DMRT1: variants seen among roughly 807,000 people sequenced by gnomAD.
DMRT1 encodes the protein doublesex- and mab-3-related transcription factor 1.
DMRT1 carries 7 observed loss-of-function variants against 32.3 expected under a neutral mutation model. That is an observed-to-expected ratio of 0.22 (90% CI 0.12 to 0.41). DMRT1 has a LOEUF of 0.41. DMRT1 is among the 10% of genes least tolerant of loss of function. The pLI, the probability that DMRT1 is intolerant of heterozygous loss-of-function variation, is 1.00. For missense variants in DMRT1, 625 were observed against 500.5 expected (o/e 1.25, Z -2.37); for synonymous variants, 278 against 206.1 (o/e 1.35, Z -2.99).
chr9:869,308 T>TG (rs1816129553), intron 2 of DMRT1, among the ~76,000 whole-genome samples: 1 of 152,194 alleles, frequency 6.6e-6, no homozygotes, highest in Admixed American at 6.5e-5. Context: ...GAAATAAAAA[T>TG]GTGGCTCAAG....
Position 965,468 on chromosome 9 carries a change from G to A in DMRT1, c.968-2517G>A, listed in dbSNP as rs554627275. On this transcript the variant is annotated intron_variant, in intron 4 of 4. Transcript: ENST00000382276. The surrounding 1 kb of genome is among the most constrained non-coding windows in gnomAD (Gnocchi z 4.5). ...TGCTTTGTGGCCCCACGTCGCAAGA[G>A]CACTTTCCAAGAAAATATTCATAAG... Among the ~76,000 whole-genome samples the A allele has an allele frequency of 1.3e-4, 20 of 152,210 alleles. No homozygotes were observed. Among genetic ancestry groups the A allele is most frequent in the Non-Finnish European group, 2.8e-4 (19 of 68,038 alleles).
At chr9:850,528 C>T (rs1439374626) in intron 2 of DMRT1, among the ~76,000 whole-genome samples, 1 of 152,140 alleles carries the variant, frequency 6.6e-6, no homozygotes, top group East Asian at 1.9e-4. Flanking sequence ...GATCATTGTT[C>T]TTCTAACCCC....
Position 847,018 on chromosome 9 carries a change from C to G in DMRT1, c.413C>G (p.Pro138Arg). 1 of 1,614,168 alleles carries G rather than the reference C, an allele frequency of 6.2e-7. No individual in the cohort carries two copies. The highest frequency in any genetic ancestry group is 1.1e-5 in the South Asian group (1 of 91,086). The change falls in exon 2 of 5, where the codon CCA (proline) becomes CGA (arginine). Residue 138 changes from proline (P) to arginine (R), a missense_variant. Pro to Arg is a moderately radical substitution (Grantham distance 103). Around this residue, in one of 3 missense-constraint regions of DMRT1, gnomAD observed 416 missense variants for 321.6 expected, o/e 1.29. Coordinates refer to ENST00000382276, the MANE Select transcript of DMRT1 (RefSeq NM_021951.3). ...GAATTGGGTATCAGCCACCCCATCC[C>G]ACTGCCCAGTGCGGCCGAGCTGCTT... The part of the protein sequence containing the change: ...EEELGISHPI[P>R]LPSAAELLVK...
At chr9:888,778 G>C (rs188280327) in intron 2 of DMRT1, among the ~76,000 whole-genome samples, 3 of 143,768 alleles carry the variant, frequency 2.1e-5, no homozygotes, top group Admixed American at 2.0e-4. Flanking sequence ...AGCGTGTGGA[G>C]CAGTTGCTTT....
intron 2 of DMRT1, among the ~76,000 whole-genome samples, chr9:857,909 G>C (rs1029975899): frequency 6.6e-6 from 1 of 151,298 alleles, no homozygotes; most frequent in African/African-American, 2.4e-5. Flanking sequence ...AGTTTGCTGA[G>C]AATGATGGTT....
intron 2 of DMRT1, 107 bp downstream of exon 2, chr9:847,250 TTAGAGGATTCTG>T (rs1246410861): frequency 8.2e-6 from 10 of 1,213,374 alleles, no homozygotes; most frequent in African/African-American, 4.5e-5. Flanking sequence ...TGTTTAGAGC[TTAGAGGATTCTG>T]TAGAGGATTC....
chr9:855,492 G>A (rs1203485978), intron 2 of DMRT1, among the ~76,000 whole-genome samples: 2 of 152,212 alleles, frequency 1.3e-5, no homozygotes, highest in Non-Finnish European at 2.9e-5. Context: ...ATGAATAAAT[G>A]ATGGTTAAAT....
At chr9:861,808 G>C (rs759199790) in intron 2 of DMRT1, among the ~76,000 whole-genome samples, 2 of 147,040 alleles carry the variant, frequency 1.4e-5, no homozygotes, top group Admixed American at 6.7e-5. Context: ...TGCCGGGCGG[G>C]GGGGGGCTCC....
At chr9:850,099 G>A (rs1446413052) in intron 2 of DMRT1, among the ~76,000 whole-genome samples, 3 of 152,188 alleles carry the variant, frequency 2.0e-5, no homozygotes, top group Admixed American at 6.5e-5. Flanking sequence ...GATTACAGGC[G>A]TGAGCCACCA....
intron 2 of DMRT1, among the ~76,000 whole-genome samples, chr9:891,193 A>G (rs1467809625): frequency 6.6e-6 from 1 of 151,830 alleles, no homozygotes; most frequent in Admixed American, 6.6e-5. Context: ...AAATTAAAAA[A>G]AAAAAAAGCT....
chr9:858,700 C>A (rs1462571074), intron 2 of DMRT1, among the ~76,000 whole-genome samples: 1 of 151,782 alleles, frequency 6.6e-6, no homozygotes, highest in Non-Finnish European at 1.5e-5. Context: ...ATGGCGAATC[C>A]CTGTCTCTAC....
chr9:968,161 G>C lies in DMRT1; in HGVS notation c.*22G>C. On this transcript the variant is annotated 3_prime_UTR_variant, in exon 5 of 5. Coordinates refer to ENST00000382276, the MANE Select transcript of DMRT1 (RefSeq NM_021951.3). ...GTGAGCAGTGCCTGCTGCCGATGGC[G>C]GTTCACTTGGAGTAACAGGCTTATT... 2 of 1,613,374 alleles carry C rather than the reference G, an allele frequency of 1.2e-6. No individual in the cohort carries two copies. Among genetic ancestry groups the C allele is most frequent in the Non-Finnish European group, 1.7e-6 (2 of 1,179,910 alleles).
At chr9:847,424 C>G (rs1306975472) in intron 2 of DMRT1, among the ~76,000 whole-genome samples, 1 of 152,212 alleles carries the variant, frequency 6.6e-6, no homozygotes, top group African/African-American at 2.4e-5. Flanking sequence ...CAGATTTCAT[C>G]TCAGTCCACC....
At chr9:856,950 C>T (rs946563313) in intron 2 of DMRT1, among the ~76,000 whole-genome samples, 2 of 152,232 alleles carry the variant, frequency 1.3e-5, no homozygotes, top group South Asian at 2.1e-4. Flanking sequence ...TAAAACCCTG[C>T]GAGAGTCTCT....
At chr9:953,500 C>CA (rs1564273876) in intron 4 of DMRT1, among the ~76,000 whole-genome samples, 1 of 150,080 alleles carries the variant, frequency 6.7e-6, no homozygotes, top group African/African-American at 2.5e-5. Context: ...AAGGCCTCTG[C>CA]CCCCCCGACC....
At chr9:951,206 A>G (rs772602026) in intron 4 of DMRT1, among the ~76,000 whole-genome samples, 4 of 152,154 alleles carry the variant, frequency 2.6e-5, no homozygotes, top group Admixed American at 6.5e-5. Flanking sequence ...TTATTTTAAT[A>G]TATATTTTTC....
At chr9:964,046 A>G (rs1819856937) in intron 4 of DMRT1, among the ~76,000 whole-genome samples, 1 of 152,214 alleles carries the variant, frequency 6.6e-6, no homozygotes, top group South Asian at 2.1e-4. Context: ...ATATAGAGGA[A>G]GGAAAAATGT....
intron 2 of DMRT1, among the ~76,000 whole-genome samples, chr9:856,552 T>C (rs1815409832): frequency 6.6e-6 from 1 of 152,248 alleles, no homozygotes; most frequent in South Asian, 2.1e-4. Flanking sequence ...ATCCATGTTG[T>C]AGCATGTATT....
intron 2 of DMRT1, among the ~76,000 whole-genome samples, chr9:890,074 C>A (rs1376604467): frequency 6.7e-6 from 1 of 148,908 alleles, no homozygotes; most frequent in Non-Finnish European, 1.5e-5. Flanking sequence ...CCACTTAACG[C>A]CACCAAACGT....
Sources: allele counts gnomAD v4.1 joint callset (sites outside exome capture counted in the v4.1 genomes callset), GRCh38; gene constraint gnomAD v4.1.1; regional missense constraint gnomAD v4.1.1; non-coding constraint Gnocchi (gnomAD v3.1); transcripts MANE v1.5; gene names NCBI Gene and HGNC (gene_info 2026-07-23, HGNC 2026-07-21).